The following SLIT3 variants were observed in gnomAD, a reference collection of about 807,000 sequenced individuals.
SLIT3 encodes the protein slit homolog 3 protein.
SLIT3 carries 68 observed loss-of-function variants against 184.0 expected under a neutral mutation model. That is an observed-to-expected ratio of 0.37 (90% CI 0.30 to 0.45). The LOEUF is 0.45. Ranked by LOEUF, SLIT3 falls within the 20% of genes least tolerant of loss-of-function variation. The probability of loss-of-function intolerance (pLI) is 1.00; values close to 1 mark genes in which losing one functional copy is unlikely to be tolerated. For synonymous variants in SLIT3, 831 were observed against 828.6 expected (o/e 1.00, Z -0.05); for missense variants, 1,707 against 2,026.0 (o/e 0.84, Z 3.02).
chr5:169,201,921 A>C (rs1384160166), intron 3 of SLIT3, among the ~76,000 whole-genome samples: 1 of 152,270 alleles, frequency 6.6e-6, no homozygotes, highest in Non-Finnish European at 1.5e-5. Flanking sequence ...GTATGCCTTA[A>C]GCATCAAAAC....
intron 4 of SLIT3, among the ~76,000 whole-genome samples, chr5:169,054,942 G>A (rs1757943134): frequency 6.6e-6 from 1 of 152,002 alleles, no homozygotes; most frequent in African/African-American, 2.4e-5. Context: ...CAGGTATCAT[G>A]GACTTTTCCA....
intron 5 of SLIT3, among the ~76,000 whole-genome samples, chr5:168,855,842 T>TC (rs1185762518): frequency 6.6e-6 from 1 of 152,088 alleles, no homozygotes; most frequent in African/African-American, 2.4e-5. Context: ...TGACATTTTT[T>TC]CCCCCTGAGT....
chr5:169,056,019 C>T (rs981192367), intron 4 of SLIT3, among the ~76,000 whole-genome samples: 2 of 152,112 alleles, frequency 1.3e-5, no homozygotes, highest in African/African-American at 4.8e-5. Flanking sequence ...AAAGACCACC[C>T]TGGCTTGTCC....
chr5:169,098,106 ATC>A (rs1759856865), intron 4 of SLIT3, among the ~76,000 whole-genome samples: 2 of 151,968 alleles, frequency 1.3e-5, no homozygotes, highest in Non-Finnish European at 2.9e-5. Context: ...CCCAATGGGT[ATC>A]CCTGGGCCCC....
At chr5:168,668,244 T>C (rs967734647) in intron 35 of SLIT3, among the ~76,000 whole-genome samples, 4 of 152,118 alleles carry the variant, frequency 2.6e-5, no homozygotes, top group African/African-American at 9.7e-5. Flanking sequence ...GAGGGTTGGA[T>C]GGAGGCTGTG....
rs150809444 is a variant in SLIT3, at chr5:169,266,759, A to C, written c.198-15300T>G. Among the ~76,000 whole-genome samples, 455 of 152,306 alleles carry C rather than the reference A, an allele frequency of 3.0e-3. 7 individuals carry two copies. The highest frequency in any genetic ancestry group is 0.01 in the African/African-American group (430 of 41,584). ...ACACCTAGCAATACGGCATAGTAGG[A>C]AAGAATGGCCCAAGTTAAGCATCCA... On this transcript the variant is annotated intron_variant, in intron 1 of 35. Transcript: ENST00000519560.
chr5:169,095,855 A>G (rs183224513), intron 4 of SLIT3, among the ~76,000 whole-genome samples: 1 of 152,322 alleles, frequency 6.6e-6, no homozygotes, highest in Admixed American at 6.5e-5. Context: ...CCTTCTGCCC[A>G]AGTATCTTAC....
At chr5:169,271,518 C>T (rs947579879) in intron 1 of SLIT3, among the ~76,000 whole-genome samples, 6 of 152,096 alleles carry the variant, frequency 3.9e-5, no homozygotes, top group African/African-American at 7.2e-5. Context: ...TGCTGGTGCA[C>T]GGGGCATTGC....
chr5:168,897,766 G>A (rs1271841888), intron 4 of SLIT3, among the ~76,000 whole-genome samples: 1 of 152,094 alleles, frequency 6.6e-6, no homozygotes, highest in Non-Finnish European at 1.5e-5. Flanking sequence ...TCTTGCAAAA[G>A]ATCTTAGCAT....
chr5:168,671,134 T>G, intron 34 of SLIT3, 64 bp downstream of exon 34: 2 of 1,534,926 alleles, frequency 1.3e-6, no homozygotes, highest in Non-Finnish European at 1.8e-6. Context: ...ATTTCTCAGG[T>G]GGGGTAGGGA....
intron 3 of SLIT3, among the ~76,000 whole-genome samples, chr5:169,207,497 A>G (rs953690448): frequency 1.3e-5 from 2 of 152,148 alleles, no homozygotes; most frequent in Non-Finnish European, 2.9e-5. Flanking sequence ...TAGTTACCTA[A>G]CACAAATAAC....
intron 4 of SLIT3, among the ~76,000 whole-genome samples, chr5:169,119,035 C>T (rs1056770939): frequency 1.3e-5 from 2 of 152,156 alleles, no homozygotes; most frequent in Admixed American, 6.5e-5. Flanking sequence ...GTCCCACGAC[C>T]GCTTAGTCCA....
At position 169,137,329 on chromosome 5, in the gene SLIT3, C is replaced by CAGAGAGAGAGAGAG. The variant is rs573469556; in HGVS notation, c.413+56149_413+56150insCTCTCTCTCTCTCT. ...ATACACACACACACACACACACACACACACACAGAGAGAGAGAGAGAGAGA... is the reference window on the plus strand; with the variant it reads ...ATACACACACACACACACACACACACAGAGAGAGAGAGAGACACACAGAGAGAGAGAGAGAGAGA... On this transcript the variant is annotated intron_variant, in intron 4 of 35. Transcript: ENST00000519560. Among the ~76,000 whole-genome samples the CAGAGAGAGAGAGAG allele has an allele frequency of 5.6e-3, 549 of 97,862 alleles. 3 individuals carry two copies. Among genetic ancestry groups the CAGAGAGAGAGAGAG allele is most frequent in the Admixed American group, 0.027 (277 of 10,328 alleles). 64.2% of individuals were successfully genotyped at this position (97,862 alleles called of 152,430 possible).
chr5:169,044,377 GGAA>G (rs1207458368), intron 4 of SLIT3, among the ~76,000 whole-genome samples: 1 of 152,060 alleles, frequency 6.6e-6, no homozygotes, highest in Non-Finnish European at 1.5e-5. Flanking sequence ...GCCAAAAGGT[GGAA>G]CATGCAATGG....
intron 35 of SLIT3, among the ~76,000 whole-genome samples, chr5:168,666,970 A>AAAACT (rs1761077348): frequency 6.6e-6 from 1 of 152,208 alleles, no homozygotes; most frequent in Non-Finnish European, 1.5e-5. Flanking sequence ...AGTCAAAACT[A>AAAACT]AAACTAGATG....
Position 168,844,949 on chromosome 5 carries a change from G to A in SLIT3, c.486-294C>T, listed in dbSNP as rs116642518. The A allele has an allele frequency of 3.5e-3, 1,410 of 399,198 alleles. 23 individuals carry two copies. The highest frequency in any genetic ancestry group is 0.028 in the African/African-American group (1,337 of 48,432). The allele number at this position is 399,198 out of a possible 1,614,324, so 24.7% of individuals were successfully genotyped here. A position where few individuals can be genotyped will look rare whatever the true frequency, so the allele number is the denominator to read the frequency against. ...GAAGGGAGTAATTTCATTACATTAG[G>A]GCATCCAATCCATTACGAGCTCTTA... On this transcript the variant is annotated intron_variant, in intron 5 of 35. Transcript: ENST00000519560.
At chr5:169,142,791 T>C (rs1011087036) in intron 4 of SLIT3, among the ~76,000 whole-genome samples, 2 of 152,194 alleles carry the variant, frequency 1.3e-5, no homozygotes, top group African/African-American at 2.4e-5. Flanking sequence ...AGACTGTCAA[T>C]AGCTCCAACT....
At chr5:169,018,193 C>G (rs74317241) in intron 4 of SLIT3, among the ~76,000 whole-genome samples, 1 of 152,122 alleles carries the variant, frequency 6.6e-6, no homozygotes, top group Non-Finnish European at 1.5e-5. Flanking sequence ...GGGGATGCCC[C>G]CAAACCCACA....
At chr5:169,247,750 G>A (rs532203442) in intron 2 of SLIT3, among the ~76,000 whole-genome samples, 1 of 152,052 alleles carries the variant, frequency 6.6e-6, no homozygotes, top group Non-Finnish European at 1.5e-5. Flanking sequence ...ATAGGCGCAT[G>A]CCACCACACC....
Sources: gnomAD v4.1 joint callset for allele counts (sites outside exome capture counted in the v4.1 genomes callset) on GRCh38, gnomAD v4.1.1 for gene constraint, MANE v1.5 for transcripts, NCBI Gene and HGNC (gene_info 2026-07-23, HGNC 2026-07-21) for gene names.